The following CLDN2 variants were observed in gnomAD, a reference collection of about 807,000 sequenced individuals.
CLDN2 encodes claudin 2.
In CLDN2, 1 loss-of-function variant was observed where a neutral mutation model predicts 8.2. The ratio of observed to expected loss-of-function variants is 0.12; its 90% CI spans 0.04 to 0.58. The LOEUF is 0.58. CLDN2 is among the 20% of genes least tolerant of loss of function. The pLI, the probability that CLDN2 is intolerant of heterozygous loss-of-function variation, is 0.90. For synonymous variants in CLDN2, 70 were observed against 70.2 expected (o/e 1.00, Z 0.01); for missense variants, 108 against 172.9 (o/e 0.62, Z 2.11).
Position 106,928,493 on chromosome X carries a change from G to A in CLDN2, c.265G>A (p.Ala89Thr). 1 of 1,211,796 alleles carries A rather than the reference G, an allele frequency of 8.3e-7. No individual in the cohort carries two copies. The highest frequency in any genetic ancestry group is 3.0e-5 in the East Asian group (1 of 33,821). ...AAQAMMVTSS[A>T]ISSLACIISV... The stretch of plus-strand genomic sequence containing the variant: ...CCAGGCCATGATGGTGACATCCAGT[G>A]CAATCTCCTCCCTGGCCTGCATTAT... Residue 89 changes from alanine to threonine, a missense_variant, in exon 2 of 2, where the codon GCA becomes ACA. Around this residue, in one of 2 missense-constraint regions of CLDN2, gnomAD observed 27 missense variants for 72.2 expected, o/e 0.37. Transcript: ENST00000336803.
chrX:106,900,899 C>T, intron 1 of CLDN2: 1 of 1,209,748 alleles, frequency 8.3e-7, no homozygotes, highest in Non-Finnish European at 1.1e-6. Flanking sequence ...GGGATTTAGG[C>T]CAGAAGAGCC....
intron 1 of CLDN2, among the ~76,000 whole-genome samples, chrX:106,912,408 C>CTTTT (rs1158258640): frequency 3.2e-4 from 22 of 67,974 alleles, no homozygotes; most frequent in Non-Finnish European, 4.4e-4. Flanking sequence ...TTATGGAACT[C>CTTTT]TTTTTTTTTT....
chrX:106,919,453 T>C (rs1394296471), upstream of CLDN2, among the ~76,000 whole-genome samples: 1 of 111,246 alleles, frequency 9.0e-6, no homozygotes, highest in African/African-American at 3.3e-5. Context: ...TTTGGTTTGG[T>C]TTTATTTCTG....
At chrX:106,906,359 G>A (rs1433131499) in intron 1 of CLDN2, among the ~76,000 whole-genome samples, 1 of 111,097 alleles carries the variant, frequency 9.0e-6, no homozygotes, top group Non-Finnish European at 1.9e-5. Flanking sequence ...TAGCGAAGGA[G>A]ACAAGACCCG....
intron 1 of CLDN2, chrX:106,903,374 C>A (rs1933136110): frequency 3.1e-6 from 3 of 958,298 alleles, no homozygotes; most frequent in African/African-American, 3.9e-5. Flanking sequence ...CTTTTATAAG[C>A]CCTGCCTGGT....
chrX:106,900,609 C>T, intron 1 of CLDN2: 3 of 1,023,993 alleles, frequency 2.9e-6, no homozygotes, highest in Middle Eastern at 3.9e-4. Context: ...GAAAACTTGC[C>T]AGACAAACTG....
rs1203177441 is a variant in CLDN2, at chrX:106,930,565, T to C, written c.*1644T>C. ...GGAAGGCCGTCTCCCCTTAGCCAAG[T>C]CCTCCTCAGGCTTGGAGAACTTCCT... On this transcript the variant is annotated 3_prime_UTR_variant, in exon 2 of 2. Transcript: ENST00000336803. 5 of 122,573 alleles carry C rather than the reference T, an allele frequency of 4.1e-5. No homozygotes were observed. The East Asian group carries it at 1.4e-3, about 35-fold the overall frequency. The allele number at this position is 122,573 out of a possible 1,213,427, so 10.1% of individuals were successfully genotyped here. A position where few individuals can be genotyped will look rare whatever the true frequency, so the allele number is the denominator to read the frequency against.
At chrX:106,921,494 G>A (rs970342816) in intron 1 of CLDN2, among the ~76,000 whole-genome samples, 5 of 111,684 alleles carry the variant, frequency 4.5e-5, no homozygotes, top group African/African-American at 1.6e-4. Flanking sequence ...GAGGCTGACT[G>A]ACAGAAGAGG....
chrX:106,909,662 C>T (rs1197603323), intron 1 of CLDN2, among the ~76,000 whole-genome samples: 1 of 112,151 alleles, frequency 8.9e-6, no homozygotes, highest in Non-Finnish European at 1.9e-5. Context: ...CCAACCCAGG[C>T]CTGCCTCCAA....
chrX:106,923,588 T>C (rs1569289293), intron 1 of CLDN2, among the ~76,000 whole-genome samples: 1 of 111,655 alleles, frequency 9.0e-6, no homozygotes, highest in African/African-American at 3.3e-5. Context: ...AAAGCAAGGA[T>C]GACTGGCTTG....
intron 1 of CLDN2, among the ~76,000 whole-genome samples, chrX:106,922,035 A>G (rs1933400241): frequency 8.9e-6 from 1 of 112,315 alleles, no homozygotes; most frequent in Admixed American, 9.4e-5. Flanking sequence ...ATGACAAACT[A>G]GGGCCTAGAG....
upstream of CLDN2, among the ~76,000 whole-genome samples, chrX:106,916,562 A>C (rs774685265): frequency 4.5e-5 from 5 of 111,402 alleles, no homozygotes; most frequent in Non-Finnish European, 7.5e-5. Flanking sequence ...AGGGGAGTGG[A>C]AGTCGAAACC....
intron 1 of CLDN2, among the ~76,000 whole-genome samples, chrX:106,927,373 C>G (rs62605981): frequency 0.097 from 10,716 of 110,956 alleles, 499 homozygotes; most frequent in Middle Eastern, 0.24. Flanking sequence ...TTCCAGAGTG[C>G]TCCCTCATCA....
intron 1 of CLDN2, among the ~76,000 whole-genome samples, chrX:106,926,585 G>A (rs181903664): frequency 3.6e-5 from 4 of 110,524 alleles, no homozygotes; most frequent in East Asian, 5.7e-4. Context: ...GGGTTAGTTC[G>A]GGCACGGTGG....
chrX:106,923,935 T>C (rs1259851251), intron 1 of CLDN2, among the ~76,000 whole-genome samples: 1 of 110,980 alleles, frequency 9.0e-6, no homozygotes, highest in African/African-American at 3.3e-5. Flanking sequence ...TAGTTAGACT[T>C]AAAGAGTGAG....
intron 1 of CLDN2, among the ~76,000 whole-genome samples, chrX:106,906,622 C>T (rs745488529): frequency 7.5e-4 from 84 of 111,338 alleles, no homozygotes; most frequent in African/African-American, 2.5e-3. Context: ...ACTCCCCCCT[C>T]AAACTTGGCC....
At chrX:106,915,355 T>C (rs951418210), upstream of CLDN2, among the ~76,000 whole-genome samples, 1 of 112,330 alleles carries the variant, frequency 8.9e-6, no homozygotes, top group Non-Finnish European at 1.9e-5. Context: ...CCCAGAGCTC[T>C]CCTCAATTGG....
intron 1 of CLDN2, chrX:106,900,982 G>T: frequency 8.8e-7 from 1 of 1,134,888 alleles, no homozygotes. Context: ...CAAGAAAGAA[G>T]CTGGCCCCTA....
Position 106,929,287 on chromosome X carries a change from C to T in CLDN2, c.*366C>T, listed in dbSNP as rs1183586731. 4 of 212,137 alleles carry T rather than the reference C, an allele frequency of 1.9e-5. No homozygotes were observed. The East Asian group carries it at 4.0e-4, about 21-fold the overall frequency. 17.5% of individuals were successfully genotyped at this position (212,137 alleles called of 1,213,427 possible). ...AAACCCACTAATCACATCCCACTGA[C>T]TGACCCTCTGTGATCAAAGACCCTC... On this transcript the variant is annotated 3_prime_UTR_variant, in exon 2 of 2. Transcript: ENST00000336803.
Sources: allele counts gnomAD v4.1 joint callset (sites outside exome capture counted in the v4.1 genomes callset), GRCh38; gene constraint gnomAD v4.1.1; regional missense constraint gnomAD v4.1.1; transcripts MANE v1.5; gene names NCBI Gene and HGNC (gene_info 2026-07-23, HGNC 2026-07-21).